RUNX2: variants seen among roughly 807,000 people sequenced by gnomAD.
RUNX2 encodes runt-related transcription factor 2.
In RUNX2, 10 loss-of-function variants were observed where a neutral mutation model predicts 51.7. The ratio of observed to expected loss-of-function variants is 0.19; its 90% CI spans 0.12 to 0.33. The LOEUF (loss-of-function observed/expected upper bound fraction) is 0.33, where lower values mean the gene tolerates loss of function less well. RUNX2 is among the 10% of genes least tolerant of loss of function. RUNX2 has a pLI of 1.00. For missense variants in RUNX2, 562 were observed against 691.3 expected, an observed-to-expected ratio of 0.81 and a Z score of 2.10; for synonymous variants, 276 against 273.6, an observed-to-expected ratio of 1.01 and a Z score of -0.09.
intron 2 of RUNX2, among the ~76,000 whole-genome samples, chr6:45,335,577 C>G (rs778682014): frequency 9.3e-5 from 14 of 151,214 alleles, no homozygotes; most frequent in Non-Finnish European, 1.8e-4. Context: ...TTACAGATAT[C>G]TGTAACAACT....
Position 45,547,156 on chromosome 6 carries a change from T to G in RUNX2, c.1417T>G (p.Cys473Gly). Residue 473 changes from cysteine to glycine, a missense_variant, in exon 9 of 9, where the codon TGC (cysteine) becomes GGC (glycine). Around this residue, in one of 5 missense-constraint regions of RUNX2, gnomAD observed 304 missense variants for 353.2 expected, o/e 0.86. Transcript: ENST00000647337. The part of the protein sequence containing the change: ...DRSPSRMLPP[C>G]TTTSNGSTLL... ...GTCTCCTTCCAGAATGCTTCCGCCATGCACCACCACCTCGAATGGCAGCAC... is the reference window on the plus strand; with the variant it reads ...GTCTCCTTCCAGAATGCTTCCGCCAGGCACCACCACCTCGAATGGCAGCAC... 1 of 1,614,156 alleles carries G rather than the reference T, an allele frequency of 6.2e-7. No homozygotes were observed. Among genetic ancestry groups the G allele is most frequent in the Non-Finnish European group, 8.5e-7 (1 of 1,180,026 alleles).
At chr6:45,347,395 T>G (rs1174514427) in intron 2 of RUNX2, among the ~76,000 whole-genome samples, 2 of 152,196 alleles carry the variant, frequency 1.3e-5, no homozygotes, top group Non-Finnish European at 2.9e-5. Context: ...TTTAAAATCT[T>G]TTGGTGGTAG....
At chr6:45,402,770 G>A (rs1797740785) in intron 2 of RUNX2, among the ~76,000 whole-genome samples, 2 of 152,108 alleles carry the variant, frequency 1.3e-5, no homozygotes. Context: ...AACTTTGGAG[G>A]CTGAGGTAGG....
intron 2 of RUNX2, among the ~76,000 whole-genome samples, chr6:45,344,778 T>A (rs1016411528): frequency 2.0e-5 from 3 of 152,066 alleles, no homozygotes; most frequent in African/African-American, 7.2e-5. Context: ...AGAAATATAC[T>A]TGGTGGACCT....
intron 7 of RUNX2, among the ~76,000 whole-genome samples, chr6:45,514,656 G>A (rs374633252): frequency 2.0e-5 from 3 of 152,164 alleles, no homozygotes; most frequent in Non-Finnish European, 2.9e-5. Context: ...TGGAGGAGCC[G>A]TGACTCACCT....
At chr6:45,376,566 GA>G (rs1796803418) in intron 2 of RUNX2, among the ~76,000 whole-genome samples, 2 of 152,248 alleles carry the variant, frequency 1.3e-5, no homozygotes, top group South Asian at 4.1e-4. Flanking sequence ...CATCAAGGCA[GA>G]AACTGCTAGT....
intron 5 of RUNX2, 99 bp from the exon 6 acceptor site, chr6:45,491,842 T>G: frequency 8.3e-7 from 1 of 1,206,204 alleles, no homozygotes. Context: ...TGATAATTCC[T>G]TGGCTTAAAC....
intron 6 of RUNX2, among the ~76,000 whole-genome samples, chr6:45,501,503 T>A (rs1327738069): frequency 2.6e-5 from 4 of 152,236 alleles, no homozygotes. Context: ...TCCCTTCTAA[T>A]CCTTCAAGAC....
At chr6:45,486,876 A>G (rs1219102758) in intron 5 of RUNX2, among the ~76,000 whole-genome samples, 1 of 152,148 alleles carries the variant, frequency 6.6e-6, no homozygotes, top group Non-Finnish European at 1.5e-5. Context: ...CACAGACCAC[A>G]TTTTCAGAGT....
chr6:45,513,469 C>T (rs1801226054), intron 7 of RUNX2: 1 of 152,280 alleles, frequency 6.6e-6, no homozygotes, highest in Non-Finnish European at 1.5e-5. Context: ...GTTACTCACT[C>T]CGCTGAGTTG....
intron 2 of RUNX2, among the ~76,000 whole-genome samples, chr6:45,389,753 G>A (rs1433998070): frequency 2.0e-5 from 3 of 152,162 alleles, no homozygotes; most frequent in Non-Finnish European, 4.4e-5. Flanking sequence ...GCTCATGCCT[G>A]TAATCTGGTA....
chr6:45,333,808 T>A (rs1249590679), intron 2 of RUNX2, among the ~76,000 whole-genome samples: 1 of 151,300 alleles, frequency 6.6e-6, no homozygotes, highest in Non-Finnish European at 1.5e-5. Context: ...ATATTCTTGT[T>A]AATACTCATA....
At chr6:45,450,089 A>G (rs1447740248) in intron 5 of RUNX2, among the ~76,000 whole-genome samples, 6 of 152,240 alleles carry the variant, frequency 3.9e-5, no homozygotes. Context: ...GGAATGCTAC[A>G]GAATGGCATG....
At chr6:45,496,494 A>G (rs1800650874) in intron 6 of RUNX2, among the ~76,000 whole-genome samples, 1 of 152,226 alleles carries the variant, frequency 6.6e-6, no homozygotes, top group African/African-American at 2.4e-5. Flanking sequence ...AGAAAATGAA[A>G]TAGGATAATT....
chr6:45,460,045 G>A (rs1202650811), intron 5 of RUNX2, among the ~76,000 whole-genome samples: 1 of 152,216 alleles, frequency 6.6e-6, no homozygotes, highest in African/African-American at 2.4e-5. Context: ...TGGGGGCAGA[G>A]AATGGTGCGT....
At chr6:45,543,510 C>T (rs1279944834) in intron 7 of RUNX2, among the ~76,000 whole-genome samples, 3 of 152,180 alleles carry the variant, frequency 2.0e-5, no homozygotes, top group African/African-American at 7.2e-5. Flanking sequence ...GCGTACCAGG[C>T]ATATCACTGG....
chr6:45,333,049 A>G (rs1787829711), intron 2 of RUNX2, among the ~76,000 whole-genome samples: 1 of 151,708 alleles, frequency 6.6e-6, no homozygotes, highest in African/African-American at 2.4e-5. Flanking sequence ...TCTAAATAAT[A>G]AAATATTCTA....
chr6:45,540,683 A>G (rs535561764), intron 7 of RUNX2, among the ~76,000 whole-genome samples: 23 of 152,314 alleles, frequency 1.5e-4, no homozygotes, highest in Admixed American at 2.6e-4. Flanking sequence ...TCTTAGTGGC[A>G]GCGATTAACC....
Position 45,547,684 on chromosome 6 carries a change from G to A in RUNX2, c.*379G>A, listed in dbSNP as rs568643332. On this transcript the variant is annotated 3_prime_UTR_variant, in exon 9 of 9. Transcript: ENST00000647337. ...GTTCAGGAGGGAGAAGAGCAAAGCC[G>A]CTTCCTCTCTGTGCTTTGAAACTTC... The A allele has an allele frequency of 2.3e-5, 7 of 309,532 alleles. No homozygotes were observed. Among genetic ancestry groups the A allele is most frequent in the Middle Eastern group, 1.1e-3 (1 of 870 alleles). 19.2% of individuals were successfully genotyped at this position (309,532 alleles called of 1,614,324 possible).
Sources: gnomAD v4.1 joint callset for allele counts (sites outside exome capture counted in the v4.1 genomes callset) on GRCh38, gnomAD v4.1.1 for gene constraint, gnomAD v4.1.1 regional missense constraint, MANE v1.5 for transcripts, NCBI Gene and HGNC (gene_info 2026-07-23, HGNC 2026-07-21) for gene names.